Variants in SNTG2 observed in about 807,000 individuals in gnomAD.
SNTG2 encodes the protein syntrophin gamma 2, also known as gamma-2-syntrophin.
A neutral mutation model predicts 70.9 loss-of-function variants in SNTG2; 74 were observed. The observed-to-expected ratio is 1.04, with a 90% CI of 0.86 to 1.27. The LOEUF is 1.27. Ranked by LOEUF, SNTG2 falls within the 50% of genes most tolerant of loss-of-function variation. SNTG2 has a pLI of 0.00. For synonymous variants in SNTG2, 278 were observed against 273.8 expected (o/e 1.02, Z -0.15); for missense variants, 717 against 690.7 (o/e 1.04, Z -0.43).
chr2:1,246,685 A>T (rs1339952131), intron 11 of SNTG2, among the ~76,000 whole-genome samples: 1 of 152,224 alleles, frequency 6.6e-6, no homozygotes, highest in African/African-American at 2.4e-5. Context: ...GCTACAAAAT[A>T]TGTCACATTA....
At chr2:1,282,246 T>C (rs1344128969) in intron 14 of SNTG2, among the ~76,000 whole-genome samples, 1 of 152,180 alleles carries the variant, frequency 6.6e-6, no homozygotes, top group East Asian at 1.9e-4. Flanking sequence ...GGGAGTAGTT[T>C]ACGTGCACCG....
intron 1 of SNTG2, among the ~76,000 whole-genome samples, chr2:1,024,409 G>T (rs1363568670): frequency 6.6e-6 from 1 of 152,140 alleles, no homozygotes. Flanking sequence ...TCCATCTGTT[G>T]CCCAGGCTGG....
Position 1,207,670 on chromosome 2 carries a change from G to A in SNTG2, c.592-1433G>A, listed in dbSNP as rs375899568. Among the ~76,000 whole-genome samples, 24 of 152,260 alleles carry A rather than the reference G, an allele frequency of 1.6e-4. 1 individual carries two copies. The East Asian group carries it at 3.5e-3, about 22-fold the overall frequency. Reference sequence around the variant, plus strand: ...AAGCGTAAGCATTGTGTAGAGAGTCGTATGGAAACCTCATCCACGTGGAAG... The same window carrying A: ...AAGCGTAAGCATTGTGTAGAGAGTCATATGGAAACCTCATCCACGTGGAAG... On this transcript the variant is annotated intron_variant, in intron 8 of 16. Transcript: ENST00000308624.
intron 1 of SNTG2, among the ~76,000 whole-genome samples, chr2:1,057,340 G>T (rs1421290876): frequency 6.6e-6 from 1 of 151,996 alleles, no homozygotes; most frequent in Non-Finnish European, 1.5e-5. Context: ...ATTAGTCAGG[G>T]TTCTCCAGAG....
chr2:1,327,379 T>C (rs891385465), intron 16 of SNTG2, among the ~76,000 whole-genome samples: 3 of 152,228 alleles, frequency 2.0e-5, no homozygotes, highest in African/African-American at 7.2e-5. Flanking sequence ...TATATCTATT[T>C]GGAAATGACT....
At chr2:1,226,207 AC>A (rs1248696611) in intron 9 of SNTG2, among the ~76,000 whole-genome samples, 10 of 152,208 alleles carry the variant, frequency 6.6e-5, no homozygotes, top group African/African-American at 2.4e-4. Context: ...GAGGAAACCT[AC>A]ATGGTTATGT....
intron 1 of SNTG2, among the ~76,000 whole-genome samples, chr2:1,006,057 C>T (rs1209000213): frequency 6.7e-6 from 1 of 149,686 alleles, no homozygotes; most frequent in African/African-American, 2.5e-5. Flanking sequence ...TCTCAGTAAA[C>T]TATTGCAAGA....
chr2:1,104,061 C>T (rs950271329), intron 4 of SNTG2, among the ~76,000 whole-genome samples: 1 of 152,096 alleles, frequency 6.6e-6, no homozygotes, highest in African/African-American at 2.4e-5. Flanking sequence ...GATTTTCATT[C>T]CCATTTTACA....
intron 11 of SNTG2, 91 bp from the exon 12 acceptor site, chr2:1,247,236 A>T (rs1677482475): frequency 1.3e-6 from 1 of 756,340 alleles, no homozygotes; most frequent in Non-Finnish European, 2.3e-6. Context: ...TGTTGACCTG[A>T]TGGGATCATG....
chr2:974,212 C>A (rs2147959530), intron 1 of SNTG2, among the ~76,000 whole-genome samples: 2 of 151,376 alleles, frequency 1.3e-5, no homozygotes, highest in Middle Eastern at 6.8e-3. Flanking sequence ...CTTCAGAGAC[C>A]ACAAGCCTCA....
rs562221480 is a variant in SNTG2, at chr2:1,152,000, T to A, written c.412-13548T>A. 4.8e-3 allele frequency among the ~76,000 whole-genome samples: 702 copies of A among 147,106 alleles called. 6 individuals are homozygous for A. The highest frequency in any genetic ancestry group is 0.016 in the African/African-American group (664 of 40,464). The stretch of plus-strand genomic sequence containing the variant: ...AAAGATATCTAGAGAACAATTCAAA[T>A]ATTAAATACGTAAGCATTTATGGTC... On this transcript the variant is annotated intron_variant, in intron 6 of 16. Coordinates refer to ENST00000308624, the MANE Select transcript of SNTG2 (RefSeq NM_018968.4).
At chr2:967,324 G>A (rs983929074) in intron 1 of SNTG2, among the ~76,000 whole-genome samples, 9 of 152,100 alleles carry the variant, frequency 5.9e-5, no homozygotes, top group African/African-American at 1.7e-4. Flanking sequence ...AACATTCAGT[G>A]TTCATCATTA....
chr2:1,242,728 C>T (rs1216684908), intron 11 of SNTG2: 1 of 152,236 alleles, frequency 6.6e-6, no homozygotes, highest in South Asian at 2.1e-4. Context: ...GTAATTCTGG[C>T]TTTTTCTAGC....
chr2:1,265,887 C>A (rs1678702667), intron 13 of SNTG2, among the ~76,000 whole-genome samples: 1 of 152,130 alleles, frequency 6.6e-6, no homozygotes. Context: ...AACCCCAGCC[C>A]AGGTGTCTCC....
At chr2:1,188,568 C>G (rs1328439706) in intron 8 of SNTG2, among the ~76,000 whole-genome samples, 2 of 152,102 alleles carry the variant, frequency 1.3e-5, no homozygotes, top group East Asian at 3.9e-4. Context: ...TAATAATGAG[C>G]AATACCAGAA....
intron 8 of SNTG2, among the ~76,000 whole-genome samples, chr2:1,174,293 T>G (rs1671326807): frequency 1.5e-5 from 1 of 66,638 alleles, no homozygotes; most frequent in Non-Finnish European, 2.9e-5. Context: ...TTTATCCATA[T>G]ATATATATAT....
chr2:1,146,878 C>T (rs965685763), intron 6 of SNTG2, among the ~76,000 whole-genome samples: 8 of 152,192 alleles, frequency 5.3e-5, no homozygotes, highest in South Asian at 2.1e-4. Flanking sequence ...TGGAGGACCA[C>T]GGGACCAGCT....
chr2:1,188,523 T>A (rs909948731), intron 8 of SNTG2, among the ~76,000 whole-genome samples: 1 of 152,136 alleles, frequency 6.6e-6, no homozygotes, highest in Admixed American at 6.5e-5. Context: ...TACATTTTAC[T>A]GAAAGAAAAT....
At chr2:1,056,047 G>A (rs569137663) in intron 1 of SNTG2, among the ~76,000 whole-genome samples, 3 of 152,054 alleles carry the variant, frequency 2.0e-5, no homozygotes, top group African/African-American at 7.2e-5. Context: ...TTTCAGAGTG[G>A]ACACAGGGAG....
Sources: gnomAD v4.1 joint callset for allele counts (sites outside exome capture counted in the v4.1 genomes callset) on GRCh38, gnomAD v4.1.1 for gene constraint, MANE v1.5 for transcripts, NCBI Gene and HGNC (gene_info 2026-07-23, HGNC 2026-07-21) for gene names.